Variants in KLHDC1 observed in about 807,000 individuals in gnomAD.
KLHDC1 encodes kelch domain containing 1.
In KLHDC1, 53 loss-of-function variants were observed where a neutral mutation model predicts 68.3. The observed-to-expected ratio is 0.78, with a 90% CI of 0.62 to 0.98. KLHDC1 has a LOEUF of 0.98. KLHDC1 is among the 50% of genes least tolerant of loss of function. The probability of loss-of-function intolerance (pLI) is 0.00; values close to 1 mark genes in which losing one functional copy is unlikely to be tolerated. For synonymous variants in KLHDC1, 148 were observed against 159.0 expected (o/e 0.93, Z 0.52); for missense variants, 470 against 492.3 (o/e 0.95, Z 0.43).
intron 1 of KLHDC1, among the ~76,000 whole-genome samples, chr14:49,707,297 TGAGA>T (rs762892306): frequency 1.7e-5 from 2 of 120,828 alleles, no homozygotes; most frequent in Non-Finnish European, 1.6e-5. Flanking sequence ...TGTGTGTGTG[TGAGA>T]GAGAGAGAGA....
chr14:49,713,322 C>T (rs866227796), intron 4 of KLHDC1, among the ~76,000 whole-genome samples: 13 of 152,052 alleles, frequency 8.5e-5, no homozygotes, highest in African/African-American at 2.4e-4. Context: ...TAGCAAGCAC[C>T]GATGATTGCT....
chr14:49,725,106 T>A (rs1162207592), intron 5 of KLHDC1, among the ~76,000 whole-genome samples: 1 of 152,178 alleles, frequency 6.6e-6, no homozygotes, highest in Non-Finnish European at 1.5e-5. Context: ...ACAGAGATCA[T>A]CTAGAGTAGT....
chr14:49,709,605 T>C, intron 2 of KLHDC1, 104 bp from the exon 3 acceptor site: 1 of 566,776 alleles, frequency 1.8e-6, no homozygotes, highest in Non-Finnish European at 3.1e-6. Context: ...GTAACTGTAA[T>C]TGACAGTGAC....
At chr14:49,713,581 A>T (rs1888265130) in intron 4 of KLHDC1, among the ~76,000 whole-genome samples, 1 of 151,586 alleles carries the variant, frequency 6.6e-6, no homozygotes, top group Admixed American at 6.6e-5. Context: ...TTTTAAAATC[A>T]TGGATTTGAA....
At chr14:49,709,284 C>T (rs1888137691) in intron 2 of KLHDC1, 55 bp downstream of exon 2, 2 of 758,736 alleles carry the variant, frequency 2.6e-6, no homozygotes, top group Admixed American at 2.6e-5. Context: ...ATAAATGTTT[C>T]TGTAGACTCT....
chr14:49,720,519 T>C (rs945323123), intron 4 of KLHDC1, among the ~76,000 whole-genome samples: 1 of 152,130 alleles, frequency 6.6e-6, no homozygotes, highest in Non-Finnish European at 1.5e-5. Flanking sequence ...TTTTTGCCCT[T>C]AAATAATTTG....
intron 5 of KLHDC1, among the ~76,000 whole-genome samples, chr14:49,725,217 G>A (rs1594669419): frequency 6.7e-6 from 1 of 149,602 alleles, no homozygotes; most frequent in African/African-American, 2.5e-5. Context: ...ATAAAGAAGA[G>A]AGTGGTCATA....
intron 10 of KLHDC1, among the ~76,000 whole-genome samples, chr14:49,739,680 A>C (rs1164310516): frequency 2.6e-5 from 4 of 152,210 alleles, no homozygotes; most frequent in Non-Finnish European, 4.4e-5. Context: ...GTTCCTTTTT[A>C]ATTTATTTCA....
chr14:49,714,258 G>A (rs532895487), intron 4 of KLHDC1, among the ~76,000 whole-genome samples: 37 of 151,690 alleles, frequency 2.4e-4, no homozygotes, highest in South Asian at 2.3e-3. Context: ...CAGATCACAC[G>A]GTCAGAAGTT....
chr14:49,747,190 A>C (rs995458944), intron 12 of KLHDC1, among the ~76,000 whole-genome samples: 1 of 151,344 alleles, frequency 6.6e-6, no homozygotes, highest in South Asian at 2.1e-4. Context: ...CTCGTGATTC[A>C]CCCGCCTCGG....
At chr14:49,723,793 G>T (rs1201841227) in intron 4 of KLHDC1, 81 bp from the exon 5 acceptor site, 15 of 740,310 alleles carry the variant, frequency 2.0e-5, no homozygotes, top group Non-Finnish European at 2.9e-5. Context: ...GGTTGTTAAG[G>T]TGAGAGGATC....
In KLHDC1 at chr14:49,743,742, G is replaced by A. The variant is rs113321768; in HGVS notation, c.982-11G>A. 13,522 of 1,549,262 alleles carry A rather than the reference G, an allele frequency of 8.7e-3. 888 individuals carry two copies. In the African/African-American group the frequency reaches 0.15, roughly 18 times the overall value. On this transcript the variant is annotated splice_polypyrimidine_tract_variant and intron_variant, in intron 11 of 12. Transcript: ENST00000359332. ...TCAAAAACTTAATAATGCCTTTTTT[G>A]TGTTGATTAGGGTCACTGTAATGAT...
intron 6 of KLHDC1, among the ~76,000 whole-genome samples, chr14:49,726,132 T>A (rs1888666627): frequency 6.6e-6 from 1 of 152,216 alleles, no homozygotes; most frequent in African/African-American, 2.4e-5. Flanking sequence ...ACAGGCATTA[T>A]AGGTCACCAC....
intron 1 of KLHDC1, 47 bp from the exon 2 acceptor site, chr14:49,709,112 T>TG (rs760208035): frequency 1.2e-6 from 1 of 806,766 alleles, no homozygotes; most frequent in Non-Finnish European, 2.1e-6. Context: ...GTGTAACTGT[T>TG]TGCTGTGTAA....
At chr14:49,713,000 A>G (rs867694969) in intron 4 of KLHDC1, among the ~76,000 whole-genome samples, 1 of 139,344 alleles carries the variant, frequency 7.2e-6, no homozygotes, top group African/African-American at 2.7e-5. Context: ...CCCAGCCTGG[A>G]ATGCAGTGGC....
chr14:49,709,158 G>A lies in KLHDC1; in HGVS notation c.97-1G>A. On this transcript the variant is annotated splice_acceptor_variant, in intron 1 of 12. Coordinates refer to ENST00000359332, the MANE Select transcript of KLHDC1 (RefSeq NM_172193.3). LOFTEE classifies it high-confidence loss of function. ...TAATTTTATGTATTCTGTATTTTTA[G>A]TCTATTGAAGACAATGAAGTATATT... 2.5e-6 allele frequency: 3 copies of A among 1,183,634 alleles called. No individual in the cohort carries two copies. Among genetic ancestry groups the A allele is most frequent in the Non-Finnish European group, 2.5e-6 (2 of 808,312 alleles). The allele number at this position is 1,183,634 out of a possible 1,614,324, so 73.3% of individuals were successfully genotyped here. A position where few individuals can be genotyped will look rare whatever the true frequency, so the allele number is the denominator to read the frequency against.
chr14:49,722,406 G>T (rs1420493374), intron 4 of KLHDC1, among the ~76,000 whole-genome samples: 1 of 152,120 alleles, frequency 6.6e-6, no homozygotes, highest in African/African-American at 2.4e-5. Context: ...GAGAAGGATG[G>T]TTTCCAGCTT....
rs1268846000 is a variant in KLHDC1 at position 49,751,781 on chromosome 14, A to T, written c.*9A>T. On this transcript the variant is annotated 3_prime_UTR_variant, in exon 13 of 13. Coordinates refer to ENST00000359332, the MANE Select transcript of KLHDC1 (RefSeq NM_172193.3). Reference sequence around the variant, plus strand: ...GGATCAGTAGCAATTAAATTGTTATATACTTTACATATTTAGTATGTTTTA... The same window carrying T: ...GGATCAGTAGCAATTAAATTGTTATTTACTTTACATATTTAGTATGTTTTA... 2 of 1,390,820 alleles carry T rather than the reference A, an allele frequency of 1.4e-6. No homozygotes were observed. The highest frequency in any genetic ancestry group is 2.9e-5 in the African/African-American group (2 of 68,680). The allele number at this position is 1,390,820 out of a possible 1,614,324, so 86.2% of individuals were successfully genotyped here. A position where few individuals can be genotyped will look rare whatever the true frequency, so the allele number is the denominator to read the frequency against.
rs562598231 is a variant in KLHDC1, at chr14:49,740,028, A to G, written c.897-70A>G. 184 of 805,570 alleles carry G rather than the reference A, an allele frequency of 2.3e-4. No individual in the cohort carries two copies. The South Asian group carries it at 3.1e-3, about 14-fold the overall frequency. The allele number at this position is 805,570 out of a possible 1,614,324, so 49.9% of individuals were successfully genotyped here. On this transcript the variant is annotated intron_variant, in intron 10 of 12. Coordinates refer to ENST00000359332, the MANE Select transcript of KLHDC1 (RefSeq NM_172193.3). ...TACATTTTAGAGTATGAAATTTAGA[A>G]TTGATTTATATATAATGTACAGTTT...
Sources: allele counts gnomAD v4.1 joint callset (sites outside exome capture counted in the v4.1 genomes callset), GRCh38; gene constraint gnomAD v4.1.1; transcripts MANE v1.5; gene names NCBI Gene and HGNC (gene_info 2026-07-23, HGNC 2026-07-21).